DSE: variants seen among roughly 807,000 people sequenced by gnomAD.
DSE encodes dermatan-sulfate epimerase.
DSE carries 36 observed loss-of-function variants against 84.4 expected under a neutral mutation model. The observed-to-expected ratio is 0.43, with a 90% CI of 0.33 to 0.56. The LOEUF is 0.56. Among genes scored for constraint, DSE ranks in the 20% least tolerant of loss-of-function variants. The pLI is 0.06. For missense variants in DSE, 862 were observed against 1,169.6 expected, an observed-to-expected ratio of 0.74 and a Z score of 3.84; for synonymous variants, 410 against 430.1, an observed-to-expected ratio of 0.95 and a Z score of 0.58.
At chr6:116,378,547 C>T (rs1410658270) in intron 1 of DSE, among the ~76,000 whole-genome samples, 1 of 152,092 alleles carries the variant, frequency 6.6e-6, no homozygotes, top group Non-Finnish European at 1.5e-5. Flanking sequence ...CAAAACTCCT[C>T]CATCCCCTGC....
intron 2 of DSE, chr6:116,276,865 T>C (rs941288933): frequency 7.9e-5 from 12 of 152,190 alleles, no homozygotes; most frequent in Non-Finnish European, 2.9e-5. Flanking sequence ...TACTAAGTTG[T>C]TACCAGGGAA....
intron 1 of DSE, among the ~76,000 whole-genome samples, chr6:116,398,045 G>A (rs1000698580): frequency 1.3e-5 from 2 of 152,066 alleles, no homozygotes; most frequent in African/African-American, 4.8e-5. Flanking sequence ...TTCAGCTTGG[G>A]AGGTTGATTT....
At chr6:116,379,728 G>A (rs985600535) in intron 1 of DSE, among the ~76,000 whole-genome samples, 3 of 152,098 alleles carry the variant, frequency 2.0e-5, no homozygotes, top group African/African-American at 7.2e-5. Flanking sequence ...TAGACTTCAT[G>A]TGGCTTGCAT....
intron 2 of DSE, among the ~76,000 whole-genome samples, chr6:116,349,506 A>C (rs1328690272): frequency 1.3e-5 from 2 of 152,184 alleles, no homozygotes; most frequent in Non-Finnish European, 2.9e-5. Context: ...CTTCTCCAGG[A>C]AATATACACA....
At chr6:116,416,414 A>G (rs1359316050) in intron 2 of DSE, among the ~76,000 whole-genome samples, 2 of 149,048 alleles carry the variant, frequency 1.3e-5, no homozygotes, top group East Asian at 2.0e-4. Context: ...TGACTGCACT[A>G]TAAGGTTGAT....
At chr6:116,405,318 C>A (rs1428270785) in intron 2 of DSE, among the ~76,000 whole-genome samples, 1 of 152,080 alleles carries the variant, frequency 6.6e-6, no homozygotes, top group Non-Finnish European at 1.5e-5. Flanking sequence ...ACATGTGGAG[C>A]CACAGCCCTG....
intron 2 of DSE, among the ~76,000 whole-genome samples, chr6:116,291,951 C>T (rs1267635798): frequency 2.6e-5 from 4 of 152,154 alleles, no homozygotes; most frequent in Admixed American, 1.3e-4. Context: ...GGAAGAAGAT[C>T]GGGTTGTAGT....
At chr6:116,311,972 G>A (rs1775719685) in intron 2 of DSE, among the ~76,000 whole-genome samples, 1 of 152,164 alleles carries the variant, frequency 6.6e-6, no homozygotes. Context: ...AAAAAACAAT[G>A]AGAAATAAAG....
chr6:116,354,335 A>G (rs1394708888), intron 2 of DSE, among the ~76,000 whole-genome samples: 1 of 152,162 alleles, frequency 6.6e-6, no homozygotes, highest in African/African-American at 2.4e-5. Context: ...TGGACCTTAC[A>G]ACTGCTCTGG....
Position 116,318,252 on chromosome 6 carries a change from A to G in DSE, c.-54+59285A>G, listed in dbSNP as rs367613124. Among the ~76,000 whole-genome samples the G allele has an allele frequency of 2.7e-4, 41 of 152,312 alleles. No homozygotes were observed. In the East Asian group the frequency reaches 7.9e-3, roughly 29 times the overall value. ...CCAGTCGTGGTGGCTCACCCCTGTA[A>G]TCCCAACACTTTGGGAGGCCAAGGC... On this transcript the variant is annotated intron_variant, in intron 2 of 3. Coordinates refer to the DSE transcript ENST00000430252.
In DSE at chr6:116,258,433, CT is replaced by C. The variant is rs1229795835; in HGVS notation, c.-575-6del. On this transcript the variant is annotated splice_polypyrimidine_tract_variant and intron_variant, in intron 1 of 3. Transcript: ENST00000430252. ...TAATAACTTAGTTGTAATTTTTTTG[CT>C]TTTTTTGGTAGGGCTGCCCTGAAGG... 4 of 753,550 alleles carry C rather than the reference CT, an allele frequency of 5.3e-6. 1 individual carries two copies. Among genetic ancestry groups the C allele is most frequent in the South Asian group, 2.9e-5 (2 of 69,160 alleles). 46.7% of individuals were successfully genotyped at this position (753,550 alleles called of 1,614,324 possible). A position where few individuals can be genotyped will look rare whatever the true frequency, so the allele number is the denominator to read the frequency against.
At chr6:116,388,690 T>A (rs1780711336) in intron 1 of DSE, among the ~76,000 whole-genome samples, 1 of 152,236 alleles carries the variant, frequency 6.6e-6, no homozygotes, top group Admixed American at 6.5e-5. Flanking sequence ...TTATAAGTAA[T>A]TTTTTTCATC....
At chr6:116,341,868 A>AGTACCAT (rs1777617276) in intron 2 of DSE, among the ~76,000 whole-genome samples, 1 of 152,230 alleles carries the variant, frequency 6.6e-6, no homozygotes, top group South Asian at 2.1e-4. Context: ...TTTTGGTACC[A>AGTACCAT]GTACCATGCT....
chr6:116,286,449 G>A (rs1773911251), intron 2 of DSE, among the ~76,000 whole-genome samples: 1 of 152,058 alleles, frequency 6.6e-6, no homozygotes, highest in East Asian at 1.9e-4. Flanking sequence ...CAGAGGAGAA[G>A]CAGTTATTGA....
intron 2 of DSE, among the ~76,000 whole-genome samples, chr6:116,332,061 A>G (rs764375455): frequency 6.6e-6 from 1 of 152,236 alleles, no homozygotes; most frequent in Non-Finnish European, 1.5e-5. Context: ...ATAAAATTGT[A>G]TCCCAGCAAC....
At chr6:116,430,546 CT>C (rs923301908) in intron 3 of DSE, among the ~76,000 whole-genome samples, 123 of 146,884 alleles carry the variant, frequency 8.4e-4, no homozygotes, top group Non-Finnish European at 7.1e-4. Flanking sequence ...GAGTCAATAA[CT>C]TTTTTTTTTT....
At chr6:116,327,183 T>G (rs769123013) in intron 2 of DSE, among the ~76,000 whole-genome samples, 3 of 152,242 alleles carry the variant, frequency 2.0e-5, no homozygotes, top group Non-Finnish European at 4.4e-5. Flanking sequence ...AGCTCCATTC[T>G]GCTCCAGAAC....
intron 2 of DSE, among the ~76,000 whole-genome samples, chr6:116,310,789 A>G (rs1340409171): frequency 1.3e-5 from 2 of 152,232 alleles, no homozygotes. Context: ...TCCTCTCTGC[A>G]TACAGACAGA....
At chr6:116,270,557 C>T (rs983470144) in intron 2 of DSE, among the ~76,000 whole-genome samples, 2 of 152,118 alleles carry the variant, frequency 1.3e-5, no homozygotes, top group African/African-American at 2.4e-5. Flanking sequence ...CTGCTTTGGT[C>T]CATTCTATTT....
Sources: gnomAD v4.1 joint callset for allele counts (sites outside exome capture counted in the v4.1 genomes callset) on GRCh38, gnomAD v4.1.1 for gene constraint, MANE v1.5 for transcripts, NCBI Gene and HGNC (gene_info 2026-07-23, HGNC 2026-07-21) for gene names.